Variants in ZNF148 observed in about 807,000 individuals in gnomAD.
ZNF148 encodes Beta-Enolase Repressor Factor-1.
Under a neutral mutation model 67.7 loss-of-function variants are expected in ZNF148, and 7 were observed. The ratio of observed to expected loss-of-function variants is 0.10; its 90% CI spans 0.06 to 0.19. ZNF148 has a LOEUF of 0.19. ZNF148 is among the 10% of genes least tolerant of loss of function. The probability of loss-of-function intolerance (pLI) is 1.00; values close to 1 mark genes in which losing one functional copy is unlikely to be tolerated. For synonymous variants in ZNF148, 333 were observed against 330.7 expected, an observed-to-expected ratio of 1.01 and a Z score of -0.08; for missense variants, 583 against 947.1, an observed-to-expected ratio of 0.62 and a Z score of 5.05.
At chr3:125,325,474 C>T (rs1559757960) in intron 2 of ZNF148, among the ~76,000 whole-genome samples, 1 of 151,194 alleles carries the variant, frequency 6.6e-6, no homozygotes. Flanking sequence ...CTTACTTTTA[C>T]TTTTTTTTTG....
chr3:125,238,745 C>T (rs142821615), intron 7 of ZNF148, among the ~76,000 whole-genome samples: 1 of 152,248 alleles, frequency 6.6e-6, no homozygotes, highest in Non-Finnish European at 1.5e-5. Flanking sequence ...CATGACCCAG[C>T]AATTCCATTC....
chr3:125,260,109 G>A (rs1937268885), intron 7 of ZNF148, among the ~76,000 whole-genome samples: 1 of 152,152 alleles, frequency 6.6e-6, no homozygotes, highest in African/African-American at 2.4e-5. Context: ...GGTGCAGTTT[G>A]TGGTGCCCCA....
At chr3:125,241,443 T>C (rs1411388556) in intron 7 of ZNF148, among the ~76,000 whole-genome samples, 2 of 152,100 alleles carry the variant, frequency 1.3e-5, no homozygotes, top group African/African-American at 4.8e-5. Context: ...GCCAGGTTTC[T>C]TGACACAACA....
At chr3:125,256,193 C>T (rs1204076783) in intron 7 of ZNF148, among the ~76,000 whole-genome samples, 1 of 151,354 alleles carries the variant, frequency 6.6e-6, no homozygotes, top group East Asian at 1.9e-4. Context: ...AAAACCCTGT[C>T]TCTACTGAAA....
chr3:125,352,996 T>C (rs1280497237), intron 1 of ZNF148, among the ~76,000 whole-genome samples: 4 of 152,126 alleles, frequency 2.6e-5, no homozygotes, highest in Non-Finnish European at 5.9e-5. Context: ...AGTTTGGAAG[T>C]TTTTTAAATA....
intron 1 of ZNF148, among the ~76,000 whole-genome samples, chr3:125,359,227 T>C (rs771610066): frequency 1.3e-5 from 2 of 152,170 alleles, no homozygotes. Context: ...ATTATTAAAT[T>C]TGGTGGCTAA....
chr3:125,232,209 C>T lies in ZNF148; in HGVS notation c.*132G>A. 1 of 1,069,524 alleles carries T rather than the reference C, an allele frequency of 9.3e-7. No homozygotes were observed. The highest frequency in any genetic ancestry group is 1.3e-6 in the Non-Finnish European group (1 of 776,808). The allele number at this position is 1,069,524 out of a possible 1,614,324, so 66.3% of individuals were successfully genotyped here. On this transcript the variant is annotated 3_prime_UTR_variant, in exon 9 of 9. Coordinates refer to ENST00000360647, the MANE Select transcript of ZNF148 (RefSeq NM_021964.3). This position sits in a 1 kb window ranked among gnomAD's most constrained non-coding sequence, Gnocchi z 4.2. Reference sequence around the variant, plus strand: ...GAAATGCAGTTATTGGATTATCTTGCTATTCATATCAGCTTAACTTGTTAT... The same window carrying T: ...GAAATGCAGTTATTGGATTATCTTGTTATTCATATCAGCTTAACTTGTTAT...
chr3:125,356,724 A>G (rs1374917912), intron 1 of ZNF148, among the ~76,000 whole-genome samples: 1 of 152,208 alleles, frequency 6.6e-6, no homozygotes, highest in African/African-American at 2.4e-5. Flanking sequence ...AAGCTGTTGG[A>G]AAGAGCTTCA....
chr3:125,310,777 A>G (rs541452038), intron 4 of ZNF148: 1 of 152,880 alleles, frequency 6.5e-6, no homozygotes, highest in African/African-American at 2.4e-5. Flanking sequence ...TGCAAGATGA[A>G]AAAGTTCTAG....
chr3:125,316,570 T>C lies in ZNF148; in HGVS notation c.-16-2914A>G, dbSNP rs117647926. Among the ~76,000 whole-genome samples, 208 of 152,348 alleles carry C rather than the reference T, an allele frequency of 1.4e-3. 2 individuals carry two copies. In the East Asian group the frequency reaches 0.035, roughly 25 times the overall value. On this transcript the variant is annotated intron_variant, in intron 3 of 8. Coordinates refer to ENST00000360647, the MANE Select transcript of ZNF148 (RefSeq NM_021964.3). Reference sequence around the variant, plus strand: ...GGAGTGAGATGACATCTCATTGCAGTTTTGATCTCCATTTTTCTGATGATC... The same window carrying C: ...GGAGTGAGATGACATCTCATTGCAGCTTTGATCTCCATTTTTCTGATGATC...
intron 1 of ZNF148, among the ~76,000 whole-genome samples, chr3:125,339,363 G>A (rs1157900854): frequency 1.3e-5 from 2 of 152,120 alleles, no homozygotes; most frequent in Admixed American, 6.5e-5. Flanking sequence ...GTTTAAGAGT[G>A]CTAAAATGCA....
chr3:125,358,416 C>A (rs553187789), intron 1 of ZNF148, among the ~76,000 whole-genome samples: 5 of 152,320 alleles, frequency 3.3e-5, no homozygotes, highest in African/African-American at 1.2e-4. Context: ...TTTATCAGCT[C>A]CTACCAAATC....
At chr3:125,328,091 G>T (rs1416664556) in intron 2 of ZNF148, among the ~76,000 whole-genome samples, 1 of 151,570 alleles carries the variant, frequency 6.6e-6, no homozygotes, top group Non-Finnish European at 1.5e-5. Context: ...AATTATTTAT[G>T]TATATTTCTT....
intron 1 of ZNF148, among the ~76,000 whole-genome samples, chr3:125,372,299 C>A (rs1432667029): frequency 6.6e-6 from 1 of 152,142 alleles, no homozygotes; most frequent in African/African-American, 2.4e-5. Flanking sequence ...TAGGCTAAAT[C>A]CCTAAAATAC....
intron 4 of ZNF148, among the ~76,000 whole-genome samples, chr3:125,294,161 C>CTA (rs1178518764): frequency 1.6e-4 from 25 of 152,052 alleles, no homozygotes; most frequent in Admixed American, 1.6e-3. Flanking sequence ...AAGAAACAGT[C>CTA]TACAACACAA....
At chr3:125,297,534 T>C (rs1158394373) in intron 4 of ZNF148, among the ~76,000 whole-genome samples, 1 of 151,244 alleles carries the variant, frequency 6.6e-6, no homozygotes, top group Non-Finnish European at 1.5e-5. Flanking sequence ...AACCAGTGGA[T>C]AAAGAACTAC....
chr3:125,248,388 C>A (rs1232680910), intron 7 of ZNF148, among the ~76,000 whole-genome samples: 1 of 152,140 alleles, frequency 6.6e-6, no homozygotes, highest in African/African-American at 2.4e-5. Flanking sequence ...CTACATTAAG[C>A]CCATAATGGA....
intron 7 of ZNF148, among the ~76,000 whole-genome samples, chr3:125,266,355 G>T (rs71325824): frequency 0.035 from 5,327 of 152,138 alleles, 143 homozygotes; most frequent in South Asian, 0.083. Context: ...TCAAAAAAAT[G>T]GAAGTCATAC....
Position 125,330,465 on chromosome 3 carries a change from C to CAAAAAAAAAAA in ZNF148, c.-153+682_-153+692dup, listed in dbSNP as rs200643048. 1.2e-3 allele frequency among the ~76,000 whole-genome samples: 138 copies of CAAAAAAAAAAA among 118,446 alleles called. 1 individual carries two copies. Among genetic ancestry groups the CAAAAAAAAAAA allele is most frequent in the African/African-American group, 5.5e-3 (133 of 24,248 alleles). The allele number at this position is 118,446 out of a possible 152,430, so 77.7% of individuals were successfully genotyped here. ...TGGGCAACAGGGCAAAACCCTATCT[C>CAAAAAAAAAAA]AAAAAAAAAAAAAAAAAAAAAAAAA... On this transcript the variant is annotated intron_variant, in intron 2 of 8. Coordinates refer to ENST00000360647, the MANE Select transcript of ZNF148 (RefSeq NM_021964.3).
Sources: allele counts gnomAD v4.1 joint callset (sites outside exome capture counted in the v4.1 genomes callset), GRCh38; gene constraint gnomAD v4.1.1; non-coding constraint Gnocchi (gnomAD v3.1); transcripts MANE v1.5; gene names NCBI Gene and HGNC (gene_info 2026-07-23, HGNC 2026-07-21).